The following GCLC variants were observed in gnomAD, a reference collection of about 807,000 sequenced individuals.
GCLC encodes the protein glutamate--cysteine ligase catalytic subunit.
GCLC carries 30 observed loss-of-function variants against 81.5 expected under a neutral mutation model. The ratio of observed to expected loss-of-function variants is 0.37; its 90% CI spans 0.28 to 0.50. The LOEUF (loss-of-function observed/expected upper bound fraction) is 0.50, where lower values mean the gene tolerates loss of function less well. GCLC is among the 20% of genes least tolerant of loss of function. The pLI is 0.96. For missense variants in GCLC, 556 were observed against 777.4 expected (o/e 0.72, Z 3.39); for synonymous variants, 262 against 273.3 (o/e 0.96, Z 0.41).
intron 1 of GCLC, among the ~76,000 whole-genome samples, chr6:53,539,320 G>C (rs538299043): frequency 1.3e-5 from 2 of 152,192 alleles, no homozygotes; most frequent in Non-Finnish European, 2.9e-5. Context: ...AAGCAGCACA[G>C]TAAATGGTGG....
intron 1 of GCLC, among the ~76,000 whole-genome samples, chr6:53,538,136 CTTTT>C (rs10588842): frequency 7.0e-4 from 55 of 78,904 alleles, no homozygotes; most frequent in African/African-American, 1.8e-3. Context: ...TTTTTCTTTC[CTTTT>C]TTTTTTTTTT....
At chr6:53,543,745 A>G (rs941432601) in intron 1 of GCLC, among the ~76,000 whole-genome samples, 11 of 152,226 alleles carry the variant, frequency 7.2e-5, no homozygotes, top group African/African-American at 2.7e-4. Context: ...ATTCCAATAA[A>G]CAATGGTTCA....
intron 6 of GCLC, chr6:53,510,508 GTGTT>G (rs1356293173): frequency 6.6e-6 from 1 of 151,004 alleles, no homozygotes; most frequent in Non-Finnish European, 1.5e-5. Context: ...AACACAAATT[GTGTT>G]TGTTAGCACA....
At chr6:53,517,811 G>C (rs1762908393) in intron 3 of GCLC, among the ~76,000 whole-genome samples, 2 of 152,136 alleles carry the variant, frequency 1.3e-5, no homozygotes, top group South Asian at 4.1e-4. Flanking sequence ...AAACCGATGT[G>C]GTAGTCACTA....
At position 53,502,680 on chromosome 6, in the gene GCLC, T is replaced by C. The variant is rs558058767; in HGVS notation, c.1396-2167A>G. On this transcript the variant is annotated intron_variant, in intron 12 of 15. Coordinates refer to ENST00000650454, the MANE Select transcript of GCLC (RefSeq NM_001498.4). Reference sequence around the variant, plus strand: ...TGCAGCTCTTGTCGGCATCTGTCCTTGTTCTACGTACATCTTATGCAAACT... The same window carrying C: ...TGCAGCTCTTGTCGGCATCTGTCCTCGTTCTACGTACATCTTATGCAAACT... Among the ~76,000 whole-genome samples, 3 of 152,366 alleles carry C rather than the reference T, an allele frequency of 2.0e-5. No individual in the cohort carries two copies. The South Asian group carries it at 6.2e-4, about 32-fold the overall frequency.
chr6:53,512,443 C>A (rs1247406233), intron 6 of GCLC, among the ~76,000 whole-genome samples: 2 of 151,112 alleles, frequency 1.3e-5, no homozygotes, highest in Non-Finnish European at 2.9e-5. Context: ...TAGATGTACA[C>A]AGTTTCAGGG....
chr6:53,541,628 A>G (rs1441629082), intron 1 of GCLC, among the ~76,000 whole-genome samples: 1 of 152,140 alleles, frequency 6.6e-6, no homozygotes, highest in East Asian at 1.9e-4. Flanking sequence ...GCGGTGGGGG[A>G]ACAAAGGAAC....
chr6:53,535,773 C>T lies in GCLC; in HGVS notation c.150+8723G>A, dbSNP rs77243974. ...TTAAAAATACAACAACGTACCACCA[C>T]ACTCCTATTAGAGTAGCTAAAATTA... On this transcript the variant is annotated intron_variant, in intron 1 of 15. Coordinates refer to ENST00000650454, the MANE Select transcript of GCLC (RefSeq NM_001498.4). Among the ~76,000 whole-genome samples, 401 of 152,334 alleles carry T rather than the reference C, an allele frequency of 2.6e-3. 11 individuals carry two copies. In the East Asian group the frequency reaches 0.057, roughly 22 times the overall value.
intron 6 of GCLC, chr6:53,509,606 A>C: frequency 2.8e-6 from 1 of 351,684 alleles, no homozygotes; most frequent in Non-Finnish European, 5.3e-6. Context: ...TCAGTGAGGG[A>C]TGCAAAAGGG....
chr6:53,514,269 C>T lies in GCLC; in HGVS notation c.688G>A (p.Ala230Thr), dbSNP rs1764816690. Residue 230 changes from alanine (A) to threonine (T), a missense_variant, in exon 6 of 16, where the codon GCT (alanine) becomes ACT (threonine). Physicochemically the swap from Ala to Thr is moderately conservative, Grantham distance 58. Transcript: ENST00000650454. ...ATGTAAATATGATCCGGCTTAGAAGCCCTTGAAGCTTCATCATCCTCAGTA... is the reference window on the plus strand; with the variant it reads ...ATGTAAATATGATCCGGCTTAGAAGTCCTTGAAGCTTCATCATCCTCAGTA... ...TFTEDDEASR[A>T]SKPDHIYMDA... is the part of the protein sequence containing the mutation. 2 of 1,610,876 alleles carry T rather than the reference C, an allele frequency of 1.2e-6. No individual in the cohort carries two copies. The highest frequency in any genetic ancestry group is 1.7e-5 in the Admixed American group (1 of 59,994).
intron 3 of GCLC, among the ~76,000 whole-genome samples, chr6:53,516,618 C>A (rs1181295990): frequency 6.6e-6 from 1 of 152,100 alleles, no homozygotes; most frequent in Non-Finnish European, 1.5e-5. Flanking sequence ...CTTCCTTTTC[C>A]ATCTCTAAAC....
rs1764594078 is a variant in GCLC, at chr6:53,505,389, T to C, written c.1395+3A>G. On this transcript the variant is annotated splice_donor_region_variant and intron_variant, in intron 12 of 15. Coordinates refer to ENST00000650454, the MANE Select transcript of GCLC (RefSeq NM_001498.4). ...CCATCACCATAAAGAAACATATCCT[T>C]ACCTTTGACAGTGGAATGAGAAAAT... 3 of 1,366,718 alleles carry C rather than the reference T, an allele frequency of 2.2e-6. No individual in the cohort carries two copies. Among genetic ancestry groups the C allele is most frequent in the Non-Finnish European group, 3.1e-6 (3 of 954,856 alleles). The allele number at this position is 1,366,718 out of a possible 1,614,324, so 84.7% of individuals were successfully genotyped here.
intron 3 of GCLC, among the ~76,000 whole-genome samples, chr6:53,518,505 C>A (rs770811565): frequency 1.3e-5 from 2 of 152,174 alleles, no homozygotes; most frequent in Non-Finnish European, 2.9e-5. Context: ...CCTGCCTCGG[C>A]CTCCCAAAGT....
rs375273774 is a variant in GCLC, at chr6:53,498,718, C to A, written c.*38G>T. On this transcript the variant is annotated 3_prime_UTR_variant, in exon 16 of 16. Coordinates refer to ENST00000650454, the MANE Select transcript of GCLC (RefSeq NM_001498.4). Reference sequence around the variant, plus strand: ...TGGCTGAGAGGCATGGTACTGTAGCCAGTTCGTCAATAATGCATTTTTCTT... The same window carrying A: ...TGGCTGAGAGGCATGGTACTGTAGCAAGTTCGTCAATAATGCATTTTTCTT... The A allele has an allele frequency of 5.6e-6, 7 of 1,252,682 alleles. No homozygotes were observed. In the African/African-American group the frequency reaches 7.4e-5, roughly 13 times the overall value. 77.6% of individuals were successfully genotyped at this position (1,252,682 alleles called of 1,614,324 possible).
chr6:53,527,064 AG>A (rs964405522), intron 1 of GCLC, among the ~76,000 whole-genome samples: 1 of 152,150 alleles, frequency 6.6e-6, no homozygotes, highest in Non-Finnish European at 1.5e-5. Context: ...ACCTACACCA[AG>A]CCCTTCAGGG....
chr6:53,499,886 G>A (rs1042096654), intron 15 of GCLC, among the ~76,000 whole-genome samples, 159 bp downstream of exon 15: 1 of 152,140 alleles, frequency 6.6e-6, no homozygotes, highest in African/African-American at 2.4e-5. Context: ...TAAATTATGA[G>A]TGTCAAAGAT....
Position 53,506,215 on chromosome 6 carries a change from C to A in GCLC, c.1198-320G>T. On this transcript the variant is annotated intron_variant, in intron 10 of 15. Transcript: ENST00000650454. This position sits in a 1 kb window ranked among gnomAD's most constrained non-coding sequence, Gnocchi z 4.0. Reference sequence around the variant, plus strand: ...CCTTCATCCCTGAGAATTTTAGGAGCCAGCCTGCCTTTCCAGGTGACACTG... The same window carrying A: ...CCTTCATCCCTGAGAATTTTAGGAGACAGCCTGCCTTTCCAGGTGACACTG... The A allele has an allele frequency of 2.8e-6, 1 of 356,476 alleles. No homozygotes were observed. Among genetic ancestry groups the A allele is most frequent in the Non-Finnish European group, 5.4e-6 (1 of 185,604 alleles). 22.1% of individuals were successfully genotyped at this position (356,476 alleles called of 1,614,324 possible). A position where few individuals can be genotyped will look rare whatever the true frequency, so the allele number is the denominator to read the frequency against.
In GCLC at chr6:53,506,387, C is replaced by T. The variant is rs530206022; in HGVS notation, c.1198-492G>A. On this transcript the variant is annotated intron_variant, in intron 10 of 15. Coordinates refer to ENST00000650454, the MANE Select transcript of GCLC (RefSeq NM_001498.4). The surrounding 1 kb of genome is among the most constrained non-coding windows in gnomAD (Gnocchi z 4.0). ...AGAGAGAGTTCTTTCTCCGTCCTGA[C>T]CATCTTGGGACCCGATGGCAAGACT... 6.4e-4 allele frequency: 143 copies of T among 224,140 alleles called. No homozygotes were observed. The highest frequency in any genetic ancestry group is 8.6e-4 in the Non-Finnish European group (97 of 112,880). 13.9% of individuals were successfully genotyped at this position (224,140 alleles called of 1,614,324 possible).
chr6:53,511,564 AAC>A (rs1305492822), intron 6 of GCLC, among the ~76,000 whole-genome samples: 3 of 152,184 alleles, frequency 2.0e-5, no homozygotes, highest in Admixed American at 6.5e-5. Context: ...AGAAGTATAC[AAC>A]AGTGAAGTGA....
Sources: gnomAD v4.1 joint callset for allele counts (sites outside exome capture counted in the v4.1 genomes callset) on GRCh38, gnomAD v4.1.1 for gene constraint, Gnocchi (gnomAD v3.1) non-coding constraint, MANE v1.5 for transcripts, NCBI Gene and HGNC (gene_info 2026-07-23, HGNC 2026-07-21) for gene names.